Variants in PRKN observed in about 807,000 individuals in gnomAD.
PRKN encodes E3 ubiquitin-protein ligase parkin.
In PRKN, 56 loss-of-function variants were observed where a neutral mutation model predicts 59.5. That is an observed-to-expected ratio of 0.94 (90% CI 0.76 to 1.18). PRKN has a LOEUF of 1.18. PRKN is among the 50% of genes most tolerant of loss of function. The pLI, the probability that PRKN is intolerant of heterozygous loss-of-function variation, is 0.00. For synonymous variants in PRKN, 250 were observed against 222.1 expected, an observed-to-expected ratio of 1.13 and a Z score of -1.12; for missense variants, 657 against 596.4, an observed-to-expected ratio of 1.10 and a Z score of -1.06.
intron 6 of PRKN, among the ~76,000 whole-genome samples, chr6:161,824,269 A>C (rs1485843825): frequency 3.3e-5 from 5 of 152,198 alleles, no homozygotes; most frequent in African/African-American, 1.2e-4. Context: ...TCTGTGGATA[A>C]TTCTTTCAAT....
In PRKN at chr6:162,056,123, TGCACGCACACCAAGACACACCACACAC is replaced by T. The variant is rs1216025448; in HGVS notation, c.535-1976_535-1950del. 2.0e-5 allele frequency among the ~76,000 whole-genome samples: 3 copies of T among 147,590 alleles called. No homozygotes were observed. The highest frequency in any genetic ancestry group is 1.5e-5 in the Non-Finnish European group (1 of 67,084). On this transcript the variant is annotated intron_variant, in intron 4 of 11. Coordinates refer to ENST00000366898, the MANE Select transcript of PRKN (RefSeq NM_004562.3). This position sits in a 1 kb window ranked among gnomAD's most constrained non-coding sequence, Gnocchi z 4.9. Reference sequence around the variant, plus strand: ...CCCCACACACATATACCCACATGCATGCACGCACACCAAGACACACCACACACGCACGCACACCAAAACACACCACAC... The same window carrying T: ...CCCCACACACATATACCCACATGCATGCACGCACACCAAAACACACCACAC...
At chr6:162,249,568 A>C (rs1445895194) in intron 3 of PRKN, among the ~76,000 whole-genome samples, 1 of 152,180 alleles carries the variant, frequency 6.6e-6, no homozygotes, top group Non-Finnish European at 1.5e-5. Flanking sequence ...TGCAGGCAAA[A>C]TATGGTGGAG....
chr6:162,441,194 C>T (rs541656763), intron 2 of PRKN, among the ~76,000 whole-genome samples: 24 of 152,262 alleles, frequency 1.6e-4, no homozygotes, highest in African/African-American at 5.8e-4. Flanking sequence ...CTTCCCCCAA[C>T]CAAACCGGGT....
intron 9 of PRKN, among the ~76,000 whole-genome samples, chr6:161,535,399 T>C (rs1779376167): frequency 6.6e-6 from 1 of 152,208 alleles, no homozygotes; most frequent in South Asian, 2.1e-4. Flanking sequence ...ACTTTTTTCT[T>C]TTCCTGCATG....
At chr6:162,522,840 G>A in intron 1 of PRKN, among the ~76,000 whole-genome samples, 1 of 151,490 alleles carries the variant, frequency 6.6e-6, no homozygotes, top group East Asian at 1.9e-4. Context: ...TATAACTTCA[G>A]ACTAAACAAC....
At chr6:161,675,301 G>A (rs974984511) in intron 7 of PRKN, among the ~76,000 whole-genome samples, 3 of 152,104 alleles carry the variant, frequency 2.0e-5, no homozygotes, top group African/African-American at 4.8e-5. Flanking sequence ...GAAGATCACC[G>A]ACTAACTACG....
chr6:162,210,107 A>AAAAATGAAATAAAATAAAAT (rs1785140731), intron 3 of PRKN, among the ~76,000 whole-genome samples: 1 of 144,248 alleles, frequency 6.9e-6, no homozygotes, highest in Non-Finnish European at 1.5e-5. Flanking sequence ...TATAATAATA[A>AAAAATGAAATAAAATAAAAT]AAAATAAAAT....
Position 161,538,744 on chromosome 6 carries a change from T to C in PRKN, c.1083+10110A>G, listed in dbSNP as rs1044471421. On this transcript the variant is annotated intron_variant, in intron 9 of 11. Coordinates refer to ENST00000366898, the MANE Select transcript of PRKN (RefSeq NM_004562.3). The surrounding 1 kb of genome is among the most constrained non-coding windows in gnomAD (Gnocchi z 4.2). ...GACCAGTGCCCATGGGACTGGCTGG[T>C]CTTTACCCAAGAAAAGCCCTATTAC... is the stretch of plus-strand genomic sequence containing the variant. 7.2e-5 allele frequency among the ~76,000 whole-genome samples: 11 copies of C among 152,090 alleles called. No homozygotes were observed. Among genetic ancestry groups the C allele is most frequent in the South Asian group, 4.1e-4 (2 of 4,822 alleles).
chr6:162,393,208 G>A (rs1198739908), intron 2 of PRKN, among the ~76,000 whole-genome samples: 1 of 131,410 alleles, frequency 7.6e-6, no homozygotes, highest in African/African-American at 3.0e-5. Context: ...TGCCCAGGCT[G>A]GAGTGCAATG....
intron 3 of PRKN, among the ~76,000 whole-genome samples, chr6:162,245,174 T>C (rs9346908): frequency 0.061 from 9,277 of 152,108 alleles, 419 homozygotes; most frequent in African/African-American, 0.12. Flanking sequence ...TTCAATGCGA[T>C]GTAGGTTTAT....
chr6:161,772,080 G>A (rs1789715004), intron 7 of PRKN, among the ~76,000 whole-genome samples: 2 of 152,178 alleles, frequency 1.3e-5, no homozygotes, highest in South Asian at 4.1e-4. Flanking sequence ...AGTATTGAAT[G>A]CAGCACCACT....
chr6:161,600,951 C>T (rs1425205520), intron 7 of PRKN, among the ~76,000 whole-genome samples: 1 of 152,188 alleles, frequency 6.6e-6, no homozygotes, highest in Non-Finnish European at 1.5e-5. Flanking sequence ...AAATTCATTA[C>T]AGTTACCCTT....
At chr6:162,283,551 T>C (rs1440096616) in intron 2 of PRKN, among the ~76,000 whole-genome samples, 1 of 152,210 alleles carries the variant, frequency 6.6e-6, no homozygotes, top group Admixed American at 6.5e-5. Flanking sequence ...TAGAACAGTC[T>C]TGCTCTGTCG....
intron 6 of PRKN, among the ~76,000 whole-genome samples, chr6:161,946,414 A>ACACACTCTCTCTCTCTCTCTCT (rs1247187053): frequency 8.7e-6 from 1 of 114,376 alleles, no homozygotes; most frequent in African/African-American, 3.7e-5. Context: ...ACACACACAC[A>ACACACTCTCTCTCTCTCTCTCT]CTCTCTCTCT....
At chr6:162,362,276 C>T (rs1228170758) in intron 2 of PRKN, among the ~76,000 whole-genome samples, 1 of 152,074 alleles carries the variant, frequency 6.6e-6, no homozygotes, top group East Asian at 1.9e-4. Context: ...TTTTTCTCTA[C>T]CATGTAAAAT....
At chr6:161,426,501 G>A (rs1019025481) in intron 9 of PRKN, among the ~76,000 whole-genome samples, 7 of 151,992 alleles carry the variant, frequency 4.6e-5, no homozygotes, top group Non-Finnish European at 7.4e-5. Context: ...CTCCTGTGCT[G>A]GATGCTTCCG....
chr6:162,005,776 G>T (rs996657605), intron 5 of PRKN, among the ~76,000 whole-genome samples: 15 of 151,844 alleles, frequency 9.9e-5, no homozygotes, highest in Admixed American at 3.3e-4. Flanking sequence ...AACCTTTTTT[G>T]GGGGGAAAAA....
intron 1 of PRKN, among the ~76,000 whole-genome samples, chr6:162,551,206 C>T (rs917274298): frequency 1.6e-4 from 24 of 152,182 alleles, no homozygotes; most frequent in East Asian, 7.7e-4. Flanking sequence ...ATAGAGAACA[C>T]GTACTTGGGC....
At chr6:162,415,905 A>G (rs1470363685) in intron 2 of PRKN, among the ~76,000 whole-genome samples, 2 of 152,224 alleles carry the variant, frequency 1.3e-5, no homozygotes, top group Non-Finnish European at 2.9e-5. Flanking sequence ...AGATCTTCAT[A>G]GGTAATACTC....
Sources: allele counts gnomAD v4.1 joint callset (sites outside exome capture counted in the v4.1 genomes callset), GRCh38; gene constraint gnomAD v4.1.1; non-coding constraint Gnocchi (gnomAD v3.1); transcripts MANE v1.5; gene names NCBI Gene and HGNC (gene_info 2026-07-23, HGNC 2026-07-21).